Variants in TRAK1 observed in about 807,000 individuals in gnomAD.
TRAK1 encodes the protein trafficking kinesin-binding protein 1.
Under a neutral mutation model 92.1 loss-of-function variants are expected in TRAK1, and 33 were observed. That is an observed-to-expected ratio of 0.36 (90% CI 0.27 to 0.48). TRAK1 has a LOEUF of 0.48. Ranked by LOEUF, TRAK1 falls within the 20% of genes least tolerant of loss-of-function variation. The pLI is 0.99. For missense variants in TRAK1, 1,123 were observed against 1,257.9 expected, an observed-to-expected ratio of 0.89 and a Z score of 1.62; for synonymous variants, 521 against 517.3, an observed-to-expected ratio of 1.01 and a Z score of -0.10.
intron 14 of TRAK1, chr3:42,218,274 A>T (rs1006744027): frequency 1.0e-6 from 1 of 985,246 alleles, no homozygotes; most frequent in Non-Finnish European, 1.2e-6. Context: ...AACCAATTCC[A>T]TTGTTTTCCT....
upstream of TRAK1, among the ~76,000 whole-genome samples, chr3:42,084,190 T>C (rs963346787): frequency 4.7e-4 from 72 of 152,216 alleles, no homozygotes; most frequent in African/African-American, 1.7e-3. Context: ...TCTGGAACTC[T>C]CATCAGTGTG....
intron 1 of TRAK1, among the ~76,000 whole-genome samples, chr3:42,111,914 T>A (rs182384250): frequency 6.7e-6 from 1 of 148,630 alleles, no homozygotes; most frequent in Admixed American, 6.6e-5. Context: ...GGCTGACATC[T>A]TCTTTTTTTT....
chr3:42,100,467 T>G (rs374270129), intron 1 of TRAK1, among the ~76,000 whole-genome samples: 33 of 152,338 alleles, frequency 2.2e-4, no homozygotes, highest in African/African-American at 7.5e-4. Context: ...CCTTGTTCCA[T>G]CTACCTTTAT....
intron 4 of TRAK1, chr3:42,185,048 G>T: frequency 2.1e-6 from 1 of 475,014 alleles, no homozygotes; most frequent in Non-Finnish European, 3.8e-6. Context: ...GGATGGCTAA[G>T]GGCGGGCATG....
chr3:42,093,612 C>T (rs1411464890), intron 1 of TRAK1, among the ~76,000 whole-genome samples: 3 of 147,190 alleles, frequency 2.0e-5, no homozygotes, highest in African/African-American at 7.5e-5. Flanking sequence ...CTCCTGTCCT[C>T]TTTTCTCTCC....
At chr3:42,177,907 GCT>G (rs1559879899) in intron 3 of TRAK1, among the ~76,000 whole-genome samples, 1 of 152,148 alleles carries the variant, frequency 6.6e-6, no homozygotes, top group Non-Finnish European at 1.5e-5. Flanking sequence ...AGGGTTTTTG[GCT>G]ATGTGACAGG....
intron 2 of TRAK1, chr3:42,160,227 T>G: frequency 6.8e-7 from 1 of 1,468,798 alleles, no homozygotes; most frequent in Non-Finnish European, 9.0e-7. Context: ...AGCCAGGGCA[T>G]GTCTGCGGCC....
chr3:42,060,920 C>T (rs995034201), intron 1 of TRAK1, among the ~76,000 whole-genome samples: 18 of 151,984 alleles, frequency 1.2e-4, no homozygotes, highest in Admixed American at 9.8e-4. Flanking sequence ...CATGAGCCAC[C>T]GCGCCCGGCC....
At chr3:42,107,489 T>C (rs9872115) in intron 1 of TRAK1, among the ~76,000 whole-genome samples, 103,289 of 150,186 alleles carry the variant, frequency 0.69, 35,644 homozygotes, top group South Asian at 0.81. Context: ...TCCAGCCTGG[T>C]GACAGAGCAA....
At chr3:42,203,635 G>A (rs1055294110) in intron 13 of TRAK1, 1 of 984,812 alleles carries the variant, frequency 1.0e-6, no homozygotes, top group Non-Finnish European at 1.2e-6. Flanking sequence ...CGTTTGAGAA[G>A]GTGTTTTAAA....
chr3:42,106,961 T>C (rs1347993796), intron 1 of TRAK1, among the ~76,000 whole-genome samples: 1 of 152,230 alleles, frequency 6.6e-6, no homozygotes, highest in East Asian at 1.9e-4. Flanking sequence ...TGTGATTTCA[T>C]GAGATTTTGT....
chr3:42,095,446 C>T (rs1298185535), intron 1 of TRAK1, among the ~76,000 whole-genome samples: 2 of 152,146 alleles, frequency 1.3e-5, no homozygotes, highest in Non-Finnish European at 2.9e-5. Flanking sequence ...ATGAAAATAA[C>T]ACATGCACGT....
At chr3:42,184,564 A>G in intron 3 of TRAK1, 121 bp from the exon 4 acceptor site, 1 of 985,170 alleles carries the variant, frequency 1.0e-6, no homozygotes, top group Non-Finnish European at 1.5e-6. Flanking sequence ...CAGATGGTGA[A>G]TTATTAATTC....
At chr3:42,173,185 G>A (rs1202547402) in intron 2 of TRAK1, among the ~76,000 whole-genome samples, 1 of 152,110 alleles carries the variant, frequency 6.6e-6, no homozygotes, top group Admixed American at 6.5e-5. Flanking sequence ...GTTTATGGTG[G>A]CTCCTTTATT....
chr3:42,143,515 C>T (rs914270289), intron 2 of TRAK1, among the ~76,000 whole-genome samples: 4 of 152,070 alleles, frequency 2.6e-5, no homozygotes, highest in African/African-American at 7.2e-5. Context: ...GCCATTAGGT[C>T]GCAGGGGTCT....
chr3:42,070,863 T>C (rs1026274376), intron 1 of TRAK1, among the ~76,000 whole-genome samples: 1 of 152,226 alleles, frequency 6.6e-6, no homozygotes, highest in African/African-American at 2.4e-5. Context: ...GTGAAGTACA[T>C]TGATGTTTAT....
At chr3:42,117,043 C>T (rs556416417) in intron 1 of TRAK1, among the ~76,000 whole-genome samples, 24 of 152,230 alleles carry the variant, frequency 1.6e-4, no homozygotes, top group African/African-American at 5.3e-4. Flanking sequence ...ATACAGATCC[C>T]TGGTCTCTTG....
rs368712397 is a variant in TRAK1 at position 42,217,951 on chromosome 3, GT to G, written c.1964-1533del. ...AGATTCATAAAGGCTATTTTTATGT[GT>G]TTTTTTTTTCCTTCCCTCCTGCTTT... On this transcript the variant is annotated intron_variant, in intron 14 of 15. Transcript: ENST00000327628. The G allele has an allele frequency of 8.5e-5, 78 of 914,310 alleles. 1 individual carries two copies. The highest frequency in any genetic ancestry group is 1.1e-3 in the Middle Eastern group (2 of 1,800). 56.6% of individuals were successfully genotyped at this position (914,310 alleles called of 1,614,324 possible).
chr3:42,199,060 C>T (rs1707161262), intron 10 of TRAK1, 117 bp from the exon 11 acceptor site: 8 of 968,128 alleles, frequency 8.3e-6, no homozygotes, highest in African/African-American at 3.2e-5. Flanking sequence ...GTGGGAAGAC[C>T]GTGAGCTTCT....
Sources: allele counts gnomAD v4.1 joint callset (sites outside exome capture counted in the v4.1 genomes callset), GRCh38; gene constraint gnomAD v4.1.1; transcripts MANE v1.5; gene names NCBI Gene and HGNC (gene_info 2026-07-23, HGNC 2026-07-21).